NR2E3: variants seen among roughly 807,000 people sequenced by gnomAD.
NR2E3 encodes the protein photoreceptor-specific nuclear receptor.
A neutral mutation model predicts 37.6 loss-of-function variants in NR2E3; 38 were observed. The observed-to-expected ratio is 1.01, with a 90% CI of 0.78 to 1.33. NR2E3 has a LOEUF of 1.33. NR2E3 is among the 40% of genes most tolerant of loss of function. The probability of loss-of-function intolerance (pLI) is 0.00; values close to 1 mark genes in which losing one functional copy is unlikely to be tolerated. For missense variants in NR2E3, 562 were observed against 558.7 expected (o/e 1.01, Z -0.06); for synonymous variants, 235 against 225.1 (o/e 1.04, Z -0.39).
chr15:71,814,599 A>C (rs2054213588), intron 7 of NR2E3: 15 of 943,034 alleles, frequency 1.6e-5, no homozygotes, highest in Non-Finnish European at 1.9e-5. Flanking sequence ...AATGGGGAGA[A>C]TAAGCCAGAA....
chr15:71,812,156 C>T lies in NR2E3; in HGVS notation c.551C>T (p.Ala184Val). The stretch of plus-strand genomic sequence containing the variant: ...AGCCTTATAACAGCTGAAACCTGTG[C>T]TAAGCTGGAGCCAGAGGATGGTGAG... ...MASLITAETC[A>V]KLEPEDADEN... The change falls in exon 4 of 8, where the codon GCT (alanine) becomes GTT (valine). Residue 184 changes from alanine to valine, a missense_variant. Physicochemically the swap from Ala to Val is moderately conservative, Grantham distance 64. Transcript: ENST00000617575. 1 of 1,572,682 alleles carries T rather than the reference C, an allele frequency of 6.4e-7. No homozygotes were observed. Among genetic ancestry groups the T allele is most frequent in the Non-Finnish European group, 8.6e-7 (1 of 1,159,578 alleles).
chr15:71,817,633 C>G lies in NR2E3; in HGVS notation c.1182C>G (p.Thr394=). The G allele has an allele frequency of 6.2e-7, 1 of 1,610,374 alleles. No individual in the cohort carries two copies. Among genetic ancestry groups the G allele is most frequent in the Non-Finnish European group, 8.5e-7 (1 of 1,176,886 alleles). ...ERIELLFFRK[T]IGNTPMEKLL... ...TCGAGCTCCTCTTTTTCCGCAAGAC[C>G]ATAGGGAATACTCCAATGGAGAAGC... Residue 394 remains threonine (T), a synonymous_variant, in exon 8 of 8, where the codon ACC becomes ACG. Coordinates refer to ENST00000617575, the MANE Select transcript of NR2E3 (RefSeq NM_014249.4).
Position 71,810,770 on chromosome 15 carries a change from GA to G in NR2E3, c.28del (p.Ser10AlafsTer32). The G allele has an allele frequency of 6.3e-7, 1 of 1,575,770 alleles. No homozygotes were observed. ...TGGAGACCAGACCAACAGCTCTGAT[GA>G]GCTCCACAGTGGCTGCAGCTGCGCC... METRPTALM[S>X]STVAAAAPAA... On this transcript the variant is annotated frameshift_variant, in exon 1 of 8. Transcript: ENST00000617575. LOFTEE classifies it high-confidence loss of function.
At position 71,810,709 on chromosome 15, in the gene NR2E3, C is replaced by T. The variant is rs778844467; in HGVS notation, c.-35C>T. Reference sequence around the variant, plus strand: ...GCTGGGCCAGGCTCAGCAACCCAGGCCTCCCGCAGGCAGGCAGAGGCTGCC... The same window carrying T: ...GCTGGGCCAGGCTCAGCAACCCAGGTCTCCCGCAGGCAGGCAGAGGCTGCC... On this transcript the variant is annotated 5_prime_UTR_variant, in exon 1 of 8. Transcript: ENST00000617575. The T allele has an allele frequency of 3.2e-6, 5 of 1,551,766 alleles. No individual in the cohort carries two copies. In the South Asian group the frequency reaches 3.6e-5, roughly 11 times the overall value.
rs759418091 is a variant in NR2E3, at chr15:71,811,965, C to G, written c.360C>G (p.Asn120Lys). 2 of 1,550,692 alleles carry G rather than the reference C, an allele frequency of 1.3e-6. No homozygotes were observed. The highest frequency in any genetic ancestry group is 1.7e-6 in the Non-Finnish European group (2 of 1,147,218). Residue 120 changes from asparagine to lysine, a missense_variant, in exon 4 of 8, where the codon AAC becomes AAG. Physicochemically the swap from Asn to Lys is moderately conservative, Grantham distance 94 (BLOSUM62 0). Coordinates refer to ENST00000617575, the MANE Select transcript of NR2E3 (RefSeq NM_014249.4). The surrounding 1 kb of genome is among the most constrained non-coding windows in gnomAD (Gnocchi z 5.6). The part of the protein sequence containing the change: ...QAGMNQDAVQ[N>K]ERQPRSTAQV... ...TTCCTGCCTCCCCAGCCGTGCAGAA[C>G]GAGCGCCAGCCGCGAAGCACAGCCC...
rs750284532 is a variant in NR2E3, at chr15:71,811,587, G to T, written c.223G>T (p.Val75Leu). Residue 75 changes from valine (V) to leucine (L), a missense_variant, in exon 2 of 8, where the codon GTA (valine) becomes TTA (leucine). Transcript: ENST00000617575. This position sits in a 1 kb window ranked among gnomAD's most constrained non-coding sequence, Gnocchi z 5.6. Reference sequence around the variant, plus strand: ...CTGCAGCGGCTTCTTCAAGAGGAGCGTACGGCGGAGGCTCATCTACAGGTG... The same window carrying T: ...CTGCAGCGGCTTCTTCAAGAGGAGCTTACGGCGGAGGCTCATCTACAGGTG... ...NGCSGFFKRSVRRRLIYRCQV... is the reference protein window; with the variant it reads ...NGCSGFFKRSLRRRLIYRCQV... The T allele has an allele frequency of 1.2e-6, 2 of 1,604,086 alleles. No individual in the cohort carries two copies. The highest frequency in any genetic ancestry group is 1.7e-6 in the Non-Finnish European group (2 of 1,175,944).
chr15:71,813,334 A>G lies in NR2E3; in HGVS notation c.748-55A>G. On this transcript the variant is annotated intron_variant, in intron 5 of 7. Coordinates refer to ENST00000617575, the MANE Select transcript of NR2E3 (RefSeq NM_014249.4). This position sits in a 1 kb window ranked among gnomAD's most constrained non-coding sequence, Gnocchi z 4.7. ...CCTGAGATGGTGGCAGAGGCTCCAG[A>G]CTGAGCCAGAGAAGCTGTGTGTCTG... 6.9e-6 allele frequency: 11 copies of G among 1,583,616 alleles called. No homozygotes were observed. The South Asian group carries it at 1.0e-4, about 15-fold the overall frequency.
In NR2E3 at chr15:71,810,689, GCCAGGCTCAGCAAC is replaced by G; in HGVS notation, c.-48_-35del. The G allele has an allele frequency of 6.5e-7, 1 of 1,548,630 alleles. No individual in the cohort carries two copies. Among genetic ancestry groups the G allele is most frequent in the Non-Finnish European group, 8.7e-7 (1 of 1,146,092 alleles). Reference sequence around the variant, plus strand: ...GTTCATGGACTGAGGCAAAGGCTGGGCCAGGCTCAGCAACCCAGGCCTCCCGCAGGCAGGCAGAG... The same window carrying G: ...GTTCATGGACTGAGGCAAAGGCTGGGCCAGGCCTCCCGCAGGCAGGCAGAG... On this transcript the variant is annotated 5_prime_UTR_variant, in exon 1 of 8. Transcript: ENST00000617575.
At chr15:71,815,727 T>A (rs558340424) in intron 7 of NR2E3, among the ~76,000 whole-genome samples, 5 of 152,326 alleles carry the variant, frequency 3.3e-5, no homozygotes, top group African/African-American at 4.8e-5. Flanking sequence ...CGCCCCCTGA[T>A]ATGCACACAG....
intron 7 of NR2E3, chr15:71,814,545 AC>A (rs986770480): frequency 2.8e-5 from 27 of 976,686 alleles, no homozygotes; most frequent in Non-Finnish European, 3.3e-5. Context: ...TGTTGTTAGA[AC>A]AGGAGCCCAC....
At chr15:71,814,393 C>G (rs575225730) in intron 7 of NR2E3, 3 of 1,206,530 alleles carry the variant, frequency 2.5e-6, no homozygotes, top group Non-Finnish European at 3.1e-6. Flanking sequence ...TTGCATGAAT[C>G]TGCAGGAGAC....
rs2054177202 is a variant in NR2E3, at chr15:71,811,384, G to A, written c.119-99G>A. 2.6e-6 allele frequency: 3 copies of A among 1,138,628 alleles called. No individual in the cohort carries two copies. Among genetic ancestry groups the A allele is most frequent in the African/African-American group, 3.1e-5 (2 of 64,728 alleles). The allele number at this position is 1,138,628 out of a possible 1,614,324, so 70.5% of individuals were successfully genotyped here. A position where few individuals can be genotyped will look rare whatever the true frequency, so the allele number is the denominator to read the frequency against. On this transcript the variant is annotated intron_variant, in intron 1 of 7. Coordinates refer to ENST00000617575, the MANE Select transcript of NR2E3 (RefSeq NM_014249.4). This position sits in a 1 kb window ranked among gnomAD's most constrained non-coding sequence, Gnocchi z 5.6. ...GTTCGTTCAAATGCGGGTGAGCGGG[G>A]CCTGAGGACTGGGAAAGGGACCCGA...
chr15:71,810,842 C>A lies in NR2E3; in HGVS notation c.99C>A (p.Gly33=), dbSNP rs759662513. The change falls in exon 1 of 8, where the codon GGC becomes GGA. Residue 33 remains glycine (G), a synonymous_variant. Coordinates refer to ENST00000617575, the MANE Select transcript of NR2E3 (RefSeq NM_014249.4). ...ASRKESPGRW[G]LGEDPTGVSP... Reference sequence around the variant, plus strand: ...GGAAGGAGTCTCCAGGCAGATGGGGCCTGGGGGAGGATCCCACAGGTATGG... The same window carrying A: ...GGAAGGAGTCTCCAGGCAGATGGGGACTGGGGGAGGATCCCACAGGTATGG... 1.3e-6 allele frequency: 2 copies of A among 1,562,948 alleles called. No homozygotes were observed. Among genetic ancestry groups the A allele is most frequent in the Non-Finnish European group, 1.7e-6 (2 of 1,153,822 alleles).
rs2140295167 is a variant in NR2E3 at position 71,817,804 on chromosome 15, C to T, written c.*120C>T. ...TGTGTGTACCCAGCAGAAATGCCCA[C>T]CGAAAGATATTGTAAGAATATTCAT... On this transcript the variant is annotated 3_prime_UTR_variant, in exon 8 of 8. Transcript: ENST00000617575. 2.4e-6 allele frequency: 2 copies of T among 817,800 alleles called. No homozygotes were observed. Among genetic ancestry groups the T allele is most frequent in the Middle Eastern group, 2.4e-4 (1 of 4,182 alleles). The allele number at this position is 817,800 out of a possible 1,614,324, so 50.7% of individuals were successfully genotyped here.
intron 7 of NR2E3, chr15:71,817,338 T>A: frequency 2.6e-6 from 1 of 385,138 alleles, no homozygotes; most frequent in South Asian, 6.0e-5. Context: ...GACCTTGTGA[T>A]CCGCCCGCCT....
At position 71,811,929 on chromosome 15, in the gene NR2E3, C is replaced by T. The variant is rs1048078452; in HGVS notation, c.350-26C>T. 62 of 1,548,268 alleles carry T rather than the reference C, an allele frequency of 4.0e-5. No individual in the cohort carries two copies. Among genetic ancestry groups the T allele is most frequent in the Non-Finnish European group, 5.0e-5 (57 of 1,145,890 alleles). ...GAAATGGGCAGCGGGACTGGCGTGT[C>T]GTCCTGACCCTTCCTGCCTCCCCAG... On this transcript the variant is annotated intron_variant, in intron 3 of 7. Coordinates refer to ENST00000617575, the MANE Select transcript of NR2E3 (RefSeq NM_014249.4). This position sits in a 1 kb window ranked among gnomAD's most constrained non-coding sequence, Gnocchi z 5.6.
In NR2E3 at chr15:71,812,054, C is replaced by A. The variant is rs777140312; in HGVS notation, c.449C>A (p.Pro150Gln). 27 of 1,553,156 alleles carry A rather than the reference C, an allele frequency of 1.7e-5. No homozygotes were observed. Among genetic ancestry groups the A allele is most frequent in the Non-Finnish European group, 2.3e-5 (26 of 1,148,574 alleles). ...ESRPESLVAP[P>Q]APAGRSPRGP... ...CGGCCGGAGTCCCTGGTGGCTCCCC[C>A]GGCCCCGGCAGGGCGCAGCCCACGG... The change falls in exon 4 of 8, where the codon CCG becomes CAG. Residue 150 changes from proline (P) to glutamine (Q), a missense_variant. By Grantham distance (76) the Pro-to-Gln change is moderately conservative. Transcript: ENST00000617575.
chr15:71,811,874 G>C lies in NR2E3; in HGVS notation c.349+5G>C, dbSNP rs760771835. ...AGGCGGGGATGAACCAGGACGGTGAGGCGGGGGCTGGCCCGGGGGGAGGTG... is the reference window on the plus strand; with the variant it reads ...AGGCGGGGATGAACCAGGACGGTGACGCGGGGGCTGGCCCGGGGGGAGGTG... On this transcript the variant is annotated splice_donor_5th_base_variant and intron_variant, in intron 3 of 7. Transcript: ENST00000617575. This position sits in a 1 kb window ranked among gnomAD's most constrained non-coding sequence, Gnocchi z 5.6. The C allele has an allele frequency of 5.8e-6, 9 of 1,550,972 alleles. No individual in the cohort carries two copies. The highest frequency in any genetic ancestry group is 7.8e-6 in the Non-Finnish European group (9 of 1,146,856).
chr15:71,817,107 T>C (rs2054232763), intron 7 of NR2E3, among the ~76,000 whole-genome samples: 1 of 149,708 alleles, frequency 6.7e-6, no homozygotes, highest in Non-Finnish European at 1.5e-5. Flanking sequence ...TTTTCTTTTT[T>C]TTTTTTTTTG....
Sources: allele counts gnomAD v4.1 joint callset (sites outside exome capture counted in the v4.1 genomes callset), GRCh38; gene constraint gnomAD v4.1.1; non-coding constraint Gnocchi (gnomAD v3.1); transcripts MANE v1.5; gene names NCBI Gene and HGNC (gene_info 2026-07-23, HGNC 2026-07-21).